TANK: variants seen among roughly 807,000 people sequenced by gnomAD.
The protein encoded by TANK is TRAF family member-associated NF-kappa-B activator.
Under a neutral mutation model 43.6 loss-of-function variants are expected in TANK, and 15 were observed. The ratio of observed to expected loss-of-function variants is 0.34; its 90% confidence interval spans 0.23 to 0.53. TANK has a LOEUF of 0.53. Among genes scored for constraint, TANK ranks in the 20% least tolerant of loss-of-function variants. TANK has a pLI of 0.94. For synonymous variants in TANK, 162 were observed against 178.2 expected (o/e 0.91, Z 0.73); for missense variants, 417 against 498.6 (o/e 0.84, Z 1.56).
chr2:161,160,687 G>T lies in TANK; in HGVS notation c.-50+201G>T, dbSNP rs971469535. 4 of 458,646 alleles carry T rather than the reference G, an allele frequency of 8.7e-6. No individual in the cohort carries two copies. The Admixed American group carries it at 1.0e-4, about 12-fold the overall frequency. The allele number at this position is 458,646 out of a possible 1,614,324, so 28.4% of individuals were successfully genotyped here. A position where few individuals can be genotyped will look rare whatever the true frequency, so the allele number is the denominator to read the frequency against. On this transcript the variant is annotated intron_variant, in intron 1 of 7. Coordinates refer to ENST00000392749, the MANE Select transcript of TANK (RefSeq NM_001199135.3). ...CCACGCGAGTCCTTCCCCCGGAGCG[G>T]ACTCCTTGTGGGTTGGTTTCCGGGC... is the stretch of plus-strand genomic sequence containing the variant.
intron 2 of TANK, chr2:161,180,033 A>G (rs1685350435): frequency 1.9e-6 from 2 of 1,067,870 alleles, no homozygotes; most frequent in South Asian, 4.3e-5. Context: ...ATTTTAAAAT[A>G]TCAGTATTTA....
At chr2:161,215,412 C>A (rs1687074700) in intron 4 of TANK, among the ~76,000 whole-genome samples, 1 of 152,142 alleles carries the variant, frequency 6.6e-6, no homozygotes, top group South Asian at 2.1e-4. Flanking sequence ...TATCTTCATA[C>A]TTTAAATCGT....
chr2:161,184,575 A>G (rs1291953215), intron 2 of TANK, among the ~76,000 whole-genome samples: 1 of 152,174 alleles, frequency 6.6e-6, no homozygotes, highest in Non-Finnish European at 1.5e-5. Context: ...TAAATTAAGC[A>G]TTAGAGATGA....
At chr2:161,169,966 C>T (rs1407280026) in intron 1 of TANK, among the ~76,000 whole-genome samples, 1 of 152,188 alleles carries the variant, frequency 6.6e-6, no homozygotes, top group East Asian at 1.9e-4. Flanking sequence ...CCGACCCTAA[C>T]CCCAGTGCTT....
intron 4 of TANK, among the ~76,000 whole-genome samples, chr2:161,210,018 G>A (rs1006011832): frequency 1.3e-5 from 2 of 152,090 alleles, no homozygotes; most frequent in African/African-American, 4.8e-5. Context: ...TTTCATCTGA[G>A]TTAATCAAAA....
intron 2 of TANK, among the ~76,000 whole-genome samples, chr2:161,184,101 T>C (rs780695666): frequency 5.3e-5 from 8 of 152,030 alleles, no homozygotes; most frequent in Non-Finnish European, 1.0e-4. Flanking sequence ...TGAGAGAGTA[T>C]ATGATACATT....
chr2:161,205,376 TGTGTGTGTG>T (rs1686602052), intron 4 of TANK, among the ~76,000 whole-genome samples: 2 of 152,018 alleles, frequency 1.3e-5, no homozygotes, highest in African/African-American at 4.8e-5. Context: ...TACATATATG[TGTGTGTGTG>T]GTGTGTGTGT....
intron 1 of TANK, among the ~76,000 whole-genome samples, chr2:161,163,988 G>A (rs1201248918): frequency 6.6e-6 from 1 of 152,174 alleles, no homozygotes; most frequent in African/African-American, 2.4e-5. Context: ...TAATTTAGCA[G>A]TTTGCATCTA....
At chr2:161,159,767 A>G (rs1684324147), upstream of TANK, among the ~76,000 whole-genome samples, 1 of 152,252 alleles carries the variant, frequency 6.6e-6, no homozygotes, top group Non-Finnish European at 1.5e-5. Flanking sequence ...ATATTCATGC[A>G]TGGCTAGGAA....
chr2:161,137,962 G>A (rs191421909), intron 1 of TANK: 6 of 537,504 alleles, frequency 1.1e-5, no homozygotes, highest in East Asian at 1.5e-4. Context: ...GCAAAACTCC[G>A]TCTCAAAAAA....
At chr2:161,159,279 G>C (rs1684307002), upstream of TANK, 1 of 152,182 alleles carries the variant, frequency 6.6e-6, no homozygotes, top group Admixed American at 6.5e-5. Flanking sequence ...ATCACACTGG[G>C]GTGAGGGATG....
In TANK at chr2:161,149,017, C is replaced by CA. The variant is rs75053639; in HGVS notation, c.-50+11963dup. 3.2e-4 allele frequency among the ~76,000 whole-genome samples: 48 copies of CA among 149,792 alleles called. No individual in the cohort carries two copies. The Middle Eastern group carries it at 0.027, about 85-fold the overall frequency. ...TTCAGAATCAGCTTTTCAATTTCTA[C>CA]AAAAAAAAATAGGCTATTGAAATTT... On this transcript the variant is annotated intron_variant, in intron 1 of 7. Coordinates refer to the TANK transcript ENST00000259075.
chr2:161,193,723 G>A lies in TANK; in HGVS notation c.100-9764G>A, dbSNP rs747693762. On this transcript the variant is annotated intron_variant, in intron 2 of 7. Coordinates refer to ENST00000392749, the MANE Select transcript of TANK (RefSeq NM_001199135.3). Reference sequence around the variant, plus strand: ...CTTGCCAGTGAGAAGGGGAAGAGAAGTGAAGAGCAGGCAGCTTTCTTTTAA... The same window carrying A: ...CTTGCCAGTGAGAAGGGGAAGAGAAATGAAGAGCAGGCAGCTTTCTTTTAA... Among the ~76,000 whole-genome samples the A allele has an allele frequency of 2.6e-5, 4 of 152,334 alleles. No individual in the cohort carries two copies. The South Asian group carries it at 6.2e-4, about 24-fold the overall frequency.
At chr2:161,198,557 A>G (rs1425945111) in intron 2 of TANK, among the ~76,000 whole-genome samples, 1 of 152,216 alleles carries the variant, frequency 6.6e-6, no homozygotes, top group African/African-American at 2.4e-5. Flanking sequence ...ACGGCTGTGG[A>G]TATTATTTAG....
At chr2:161,213,614 AAG>A (rs1355088959) in intron 4 of TANK, among the ~76,000 whole-genome samples, 3 of 151,590 alleles carry the variant, frequency 2.0e-5, no homozygotes, top group African/African-American at 4.8e-5. Context: ...AAAAAAAAAA[AAG>A]AAAATTTCTC....
intron 1 of TANK, among the ~76,000 whole-genome samples, chr2:161,166,601 G>A (rs1684691846): frequency 6.6e-6 from 1 of 152,112 alleles, no homozygotes; most frequent in Non-Finnish European, 1.5e-5. Flanking sequence ...GGGTGAGAAG[G>A]CAAGCATGTA....
At chr2:161,158,087 C>G (rs1684273307), upstream of TANK, among the ~76,000 whole-genome samples, 2 of 152,058 alleles carry the variant, frequency 1.3e-5, no homozygotes, top group African/African-American at 2.4e-5. Context: ...ACTATGTTGC[C>G]CAGGCTGGTC....
At chr2:161,139,067 T>C (rs1374560929) in intron 1 of TANK, among the ~76,000 whole-genome samples, 1 of 152,220 alleles carries the variant, frequency 6.6e-6, no homozygotes, top group Non-Finnish European at 1.5e-5. Flanking sequence ...AAATTTATCT[T>C]TCATCTAGCA....
intron 1 of TANK, among the ~76,000 whole-genome samples, chr2:161,175,804 A>G (rs1195138747): frequency 6.6e-6 from 1 of 152,100 alleles, no homozygotes; most frequent in Admixed American, 6.6e-5. Flanking sequence ...TGTCTGAACC[A>G]CTGGTCTGGG....
Sources: gnomAD v4.1 joint callset for allele counts (sites outside exome capture counted in the v4.1 genomes callset) on GRCh38, gnomAD v4.1.1 for gene constraint, MANE v1.5 for transcripts, NCBI Gene and HGNC (gene_info 2026-07-23, HGNC 2026-07-21) for gene names.